Variants in RIN3 observed in about 807,000 individuals in gnomAD.
RIN3 encodes Ras and Rab interactor 3.
RIN3 carries 54 observed loss-of-function variants against 76.3 expected under a neutral mutation model. The observed-to-expected ratio is 0.71, with a 90% CI of 0.57 to 0.89. The LOEUF (loss-of-function observed/expected upper bound fraction) is 0.89. Among genes scored for constraint, RIN3 ranks in the 40% least tolerant of loss-of-function variants. RIN3 has a pLI of 0.00. For missense variants in RIN3, 1,256 were observed against 1,322.1 expected, an observed-to-expected ratio of 0.95 and a Z score of 0.78; for synonymous variants, 576 against 564.0, an observed-to-expected ratio of 1.02 and a Z score of -0.30.
rs1348032985 is a variant in RIN3, at chr14:92,643,929, A to G, written c.532+2600A>G. 2.7e-5 allele frequency among the ~76,000 whole-genome samples: 4 copies of G among 148,468 alleles called. No individual in the cohort carries two copies. The highest frequency in any genetic ancestry group is 4.9e-5 in the African/African-American group (2 of 40,702). On this transcript the variant is annotated intron_variant, in intron 5 of 9. Transcript: ENST00000216487. The surrounding 1 kb of genome is among the most constrained non-coding windows in gnomAD (Gnocchi z 4.8). Reference sequence around the variant, plus strand: ...GGCAACAGACTGAGACTCTGCCTCAAAAAAAAAAAAAATTAGAAGATCAAG... The same window carrying G: ...GGCAACAGACTGAGACTCTGCCTCAGAAAAAAAAAAAATTAGAAGATCAAG...
intron 6 of RIN3, among the ~76,000 whole-genome samples, chr14:92,658,016 C>G (rs1204148267): frequency 6.6e-6 from 1 of 152,198 alleles, no homozygotes; most frequent in Non-Finnish European, 1.5e-5. Context: ...CCCCTGGAGA[C>G]AGAGGAGGGC....
Position 92,568,415 on chromosome 14 carries a change from C to T in RIN3, c.250-8945C>T, listed in dbSNP as rs1160006176. Among the ~76,000 whole-genome samples, 1 of 152,206 alleles carries T rather than the reference C, an allele frequency of 6.6e-6. No homozygotes were observed. Among genetic ancestry groups the T allele is most frequent in the East Asian group, 1.9e-4 (1 of 5,202 alleles). On this transcript the variant is annotated intron_variant, in intron 2 of 9. Coordinates refer to ENST00000216487, the MANE Select transcript of RIN3 (RefSeq NM_024832.5). The surrounding 1 kb of genome is among the most constrained non-coding windows in gnomAD (Gnocchi z 4.2). ...CCAGATTTAAGCTGAGATAATTCACCATAATCTAAAATGTTCTTCAGGCAT... is the reference window on the plus strand; with the variant it reads ...CCAGATTTAAGCTGAGATAATTCACTATAATCTAAAATGTTCTTCAGGCAT...
chr14:92,550,754 C>T (rs989902099), intron 1 of RIN3, among the ~76,000 whole-genome samples: 2 of 152,148 alleles, frequency 1.3e-5, no homozygotes, highest in South Asian at 4.1e-4. Flanking sequence ...TAAACTGAAG[C>T]CCAGAGAGGT....
At chr14:92,518,420 A>AG (rs1896502958) in intron 1 of RIN3, among the ~76,000 whole-genome samples, 1 of 152,182 alleles carries the variant, frequency 6.6e-6, no homozygotes, top group Non-Finnish European at 1.5e-5. Flanking sequence ...CCTAGATCAC[A>AG]GGGCGGGGCT....
chr14:92,596,826 A>G (rs545200630), intron 3 of RIN3, among the ~76,000 whole-genome samples: 66 of 152,304 alleles, frequency 4.3e-4, no homozygotes, highest in Admixed American at 4.2e-3. Context: ...CTCCCTCGTA[A>G]CAACTGAGTG....
chr14:92,650,162 C>G (rs568826756), intron 5 of RIN3, among the ~76,000 whole-genome samples: 2 of 152,320 alleles, frequency 1.3e-5, no homozygotes, highest in East Asian at 3.9e-4. Flanking sequence ...TGCTACTCAC[C>G]GATGCCGGGA....
At chr14:92,598,008 C>T (rs1373402101) in intron 3 of RIN3, among the ~76,000 whole-genome samples, 1 of 152,182 alleles carries the variant, frequency 6.6e-6, no homozygotes, top group African/African-American at 2.4e-5. Flanking sequence ...ACAATTCTCC[C>T]ATCAAGATTC....
chr14:92,663,603 G>T (rs188751148), intron 7 of RIN3, among the ~76,000 whole-genome samples: 5 of 152,222 alleles, frequency 3.3e-5, no homozygotes, highest in African/African-American at 1.2e-4. Flanking sequence ...CACTGGACTG[G>T]GAGCACCGTG....
chr14:92,670,658 C>T (rs1292792882), intron 7 of RIN3, among the ~76,000 whole-genome samples: 1 of 152,222 alleles, frequency 6.6e-6, no homozygotes, highest in African/African-American at 2.4e-5. Flanking sequence ...AGATTCTAGT[C>T]CCAGCTCTGC....
chr14:92,637,463 C>G (rs531111717), intron 4 of RIN3, among the ~76,000 whole-genome samples: 177 of 152,270 alleles, frequency 1.2e-3, no homozygotes, highest in African/African-American at 4.0e-3. Context: ...CTGCTCACCT[C>G]CTGCTGTGCA....
chr14:92,550,608 G>A (rs974018526), intron 1 of RIN3, among the ~76,000 whole-genome samples: 4 of 152,100 alleles, frequency 2.6e-5, no homozygotes, highest in Non-Finnish European at 5.9e-5. Flanking sequence ...TTGTAGAGAT[G>A]TGGTCTCACT....
chr14:92,545,868 A>G (rs1191003503), intron 1 of RIN3, among the ~76,000 whole-genome samples: 2 of 152,154 alleles, frequency 1.3e-5, no homozygotes, highest in Non-Finnish European at 2.9e-5. Flanking sequence ...TTCATGCAAT[A>G]AACAGAATTT....
chr14:92,516,306 C>A (rs1025508298), intron 1 of RIN3, among the ~76,000 whole-genome samples: 1 of 152,166 alleles, frequency 6.6e-6, no homozygotes, highest in Non-Finnish European at 1.5e-5. Context: ...CTCATGTCTC[C>A]TGAGCCTTGG....
At chr14:92,592,688 TATTGTG>T (rs1885026776) in intron 3 of RIN3, among the ~76,000 whole-genome samples, 1 of 123,026 alleles carries the variant, frequency 8.1e-6, no homozygotes, top group African/African-American at 3.4e-5. Flanking sequence ...TTATTATTAT[TATTGTG>T]AGACAGAGTC....
rs1196728734 is a variant in RIN3, at chr14:92,688,655, TAGGAAGG to T, written c.*406_*412del. ...GAGCTTAGTTTCCCCAGGACTGGCCTAGGAAGGAGCACCGGCCACAGCTGCTCCCCGT... is the reference window on the plus strand; with the variant it reads ...GAGCTTAGTTTCCCCAGGACTGGCCTAGCACCGGCCACAGCTGCTCCCCGT... On this transcript the variant is annotated 3_prime_UTR_variant, in exon 10 of 10. Coordinates refer to ENST00000216487, the MANE Select transcript of RIN3 (RefSeq NM_024832.5). 1 of 205,952 alleles carries T rather than the reference TAGGAAGG, an allele frequency of 4.9e-6. No individual in the cohort carries two copies. Among genetic ancestry groups the T allele is most frequent in the Non-Finnish European group, 9.8e-6 (1 of 102,200 alleles). 12.8% of individuals were successfully genotyped at this position (205,952 alleles called of 1,614,324 possible). A position where few individuals can be genotyped will look rare whatever the true frequency, so the allele number is the denominator to read the frequency against.
chr14:92,682,896 T>C (rs1261691721), intron 8 of RIN3, among the ~76,000 whole-genome samples: 3 of 152,194 alleles, frequency 2.0e-5, no homozygotes, highest in Non-Finnish European at 4.4e-5. Flanking sequence ...CCAGGCATGG[T>C]GGCTCACACC....
At chr14:92,539,387 C>T (rs1309511158) in intron 1 of RIN3, among the ~76,000 whole-genome samples, 1 of 152,204 alleles carries the variant, frequency 6.6e-6, no homozygotes, top group Non-Finnish European at 1.5e-5. Context: ...ATAGCAAACT[C>T]ATCAGGTAGT....
chr14:92,573,952 T>C (rs1397960500), intron 2 of RIN3, among the ~76,000 whole-genome samples: 1 of 152,190 alleles, frequency 6.6e-6, no homozygotes, highest in African/African-American at 2.4e-5. Flanking sequence ...TCTCTGAGCC[T>C]CTGAGCGGAG....
intron 3 of RIN3, among the ~76,000 whole-genome samples, chr14:92,603,683 C>G (rs1293645408): frequency 1.3e-5 from 2 of 152,232 alleles, no homozygotes; most frequent in Non-Finnish European, 2.9e-5. Flanking sequence ...ACAGGAGCCA[C>G]TCAGGCTGGC....
Sources: allele counts gnomAD v4.1 joint callset (sites outside exome capture counted in the v4.1 genomes callset), GRCh38; gene constraint gnomAD v4.1.1; non-coding constraint Gnocchi (gnomAD v3.1); transcripts MANE v1.5; gene names NCBI Gene and HGNC (gene_info 2026-07-23, HGNC 2026-07-21).